Variants in LINGO2 observed in about 807,000 individuals in gnomAD.
LINGO2 encodes leucine-rich repeat and immunoglobulin-like domain-containing nogo receptor-interacting protein 2.
A neutral mutation model predicts 30.6 loss-of-function variants in LINGO2; 14 were observed. The ratio of observed to expected loss-of-function variants is 0.46; its 90% CI spans 0.30 to 0.72. The LOEUF (loss-of-function observed/expected upper bound fraction) is 0.72. LINGO2 is among the 30% of genes least tolerant of loss of function. The pLI, the probability that LINGO2 is intolerant of heterozygous loss-of-function variation, is 0.07. For synonymous variants in LINGO2, 317 were observed against 288.5 expected (o/e 1.10, Z -1.00); for missense variants, 729 against 751.7 (o/e 0.97, Z 0.35).
intron 2 of LINGO2, among the ~76,000 whole-genome samples, chr9:28,457,605 A>C (rs1033031436): frequency 6.6e-6 from 1 of 151,868 alleles, no homozygotes; most frequent in Non-Finnish European, 1.5e-5. Flanking sequence ...AAAATTAAAA[A>C]AAAACCCTAA....
intron 1 of LINGO2, among the ~76,000 whole-genome samples, chr9:28,507,621 C>A (rs1051801266): frequency 6.6e-6 from 1 of 152,062 alleles, no homozygotes; most frequent in Non-Finnish European, 1.5e-5. Context: ...AGGTATGACT[C>A]AAATTTTGTT....
chr9:28,353,562 A>C (rs1406658396), intron 3 of LINGO2, among the ~76,000 whole-genome samples: 4 of 150,634 alleles, frequency 2.7e-5, no homozygotes, highest in Admixed American at 1.3e-4. Flanking sequence ...GTGGGACTGT[A>C]AACTAGTTCA....
the LINGO2 span, among the ~76,000 whole-genome samples, chr9:28,682,210 T>G: frequency 6.6e-6 from 1 of 152,152 alleles, no homozygotes; most frequent in Admixed American, 6.5e-5. Context: ...AATGACACTG[T>G]TCAGTCACTT....
At chr9:27,973,231 A>C (rs1820436089) in intron 5 of LINGO2, among the ~76,000 whole-genome samples, 1 of 152,190 alleles carries the variant, frequency 6.6e-6, no homozygotes, top group Non-Finnish European at 1.5e-5. Context: ...TAAAACAGAC[A>C]CTTTAAATAA....
chr9:28,589,533 A>G (rs1230465425), intron 1 of LINGO2, among the ~76,000 whole-genome samples: 1 of 152,168 alleles, frequency 6.6e-6, no homozygotes, highest in African/African-American at 2.4e-5. Flanking sequence ...CCAAATCATC[A>G]GTGAACTCCC....
At chr9:28,160,905 C>A (rs543871394) in intron 4 of LINGO2, among the ~76,000 whole-genome samples, 1 of 152,244 alleles carries the variant, frequency 6.6e-6, no homozygotes, top group Admixed American at 6.5e-5. Context: ...TCATTATTCT[C>A]TCAATTCCCT....
At chr9:28,109,723 C>T (rs1307348516) in intron 4 of LINGO2, among the ~76,000 whole-genome samples, 1 of 152,176 alleles carries the variant, frequency 6.6e-6, no homozygotes, top group Admixed American at 6.5e-5. Flanking sequence ...CTACAAACCT[C>T]TGCTCAAGGA....
At chr9:29,113,923 A>G in the LINGO2 span, among the ~76,000 whole-genome samples, 1 of 152,008 alleles carries the variant, frequency 6.6e-6, no homozygotes, top group Non-Finnish European at 1.5e-5. Flanking sequence ...ACATCTGCTT[A>G]ATATGAGGGT....
At chr9:28,360,219 T>C (rs569699036) in intron 3 of LINGO2, among the ~76,000 whole-genome samples, 1 of 152,246 alleles carries the variant, frequency 6.6e-6, no homozygotes, top group East Asian at 1.9e-4. Context: ...ATGAGAAAAA[T>C]GAATTTCAAA....
the LINGO2 span, among the ~76,000 whole-genome samples, chr9:29,114,408 T>TTAG: frequency 8.8e-6 from 1 of 113,654 alleles, no homozygotes; most frequent in Non-Finnish European, 1.9e-5. Context: ...ATTATTATTA[T>TTAG]TATTATTATT....
At chr9:28,566,361 C>T (rs550862863) in intron 1 of LINGO2, among the ~76,000 whole-genome samples, 1 of 152,268 alleles carries the variant, frequency 6.6e-6, no homozygotes, top group South Asian at 2.1e-4. Context: ...CAAGTTCATA[C>T]AGTCAGTAGA....
exon 6 of LINGO2, chr9:27,949,113 T>A: frequency 6.2e-7 from 1 of 1,614,036 alleles, no homozygotes; most frequent in South Asian, 1.1e-5. Flanking sequence ...GTCATTGGAG[T>A]CGGTCATGTA....
the LINGO2 span, among the ~76,000 whole-genome samples, chr9:28,776,362 A>G: frequency 8.5e-5 from 13 of 152,336 alleles, 1 homozygote; most frequent in Non-Finnish European, 4.4e-5. Flanking sequence ...GACATTTTGA[A>G]TCAAAATAAC....
At position 28,441,251 on chromosome 9, in the gene LINGO2, C is replaced by CTTTTTTTTTTTTTTTTT. The variant is rs72213590; in HGVS notation, c.-279+34672_-279+34688dup. ...TATAGCAGTATAAATTCATTGGAGG[C>CTTTTTTTTTTTTTTTTT]TTTTTTTTTTTTTTTTTTTTTTTTT... On this transcript the variant is annotated intron_variant, in intron 2 of 5. Coordinates refer to ENST00000379992, the Ensembl canonical transcript of LINGO2. 2.2e-4 allele frequency among the ~76,000 whole-genome samples: 8 copies of CTTTTTTTTTTTTTTTTT among 36,286 alleles called. 3 individuals carry two copies. The highest frequency in any genetic ancestry group is 1.4e-3 in the East Asian group (2 of 1,392). The allele number at this position is 36,286 out of a possible 152,430, so 23.8% of individuals were successfully genotyped here. A position where few individuals can be genotyped will look rare whatever the true frequency, so the allele number is the denominator to read the frequency against.
At chr9:28,455,795 C>T (rs1824822221) in intron 2 of LINGO2, among the ~76,000 whole-genome samples, 1 of 152,078 alleles carries the variant, frequency 6.6e-6, no homozygotes, top group Non-Finnish European at 1.5e-5. Flanking sequence ...TCCTGTCTCC[C>T]ACATCCCCCT....
chr9:28,749,057 T>C, the LINGO2 span, among the ~76,000 whole-genome samples: 1 of 152,018 alleles, frequency 6.6e-6, no homozygotes, highest in Non-Finnish European at 1.5e-5. Flanking sequence ...TCTAATTTCT[T>C]ATCTTCAGAT....
intron 3 of LINGO2, among the ~76,000 whole-genome samples, chr9:28,357,235 C>A (rs1051781015): frequency 6.6e-6 from 1 of 151,568 alleles, no homozygotes; most frequent in East Asian, 2.0e-4. Flanking sequence ...TAAAATTAAC[C>A]ATCTGCCAAA....
intron 3 of LINGO2, among the ~76,000 whole-genome samples, chr9:28,299,980 T>G (rs1402750434): frequency 6.6e-6 from 1 of 152,178 alleles, no homozygotes; most frequent in Non-Finnish European, 1.5e-5. Flanking sequence ...TGATTTTTTT[T>G]GTAAATGGTG....
chr9:28,434,117 T>C (rs1823814884), intron 2 of LINGO2, among the ~76,000 whole-genome samples: 1 of 151,510 alleles, frequency 6.6e-6, no homozygotes, highest in Non-Finnish European at 1.5e-5. Context: ...CCAAATATCG[T>C]ATGTTCTCAC....
Sources: gnomAD v4.1 joint callset for allele counts (sites outside exome capture counted in the v4.1 genomes callset) on GRCh38, gnomAD v4.1.1 for gene constraint, MANE v1.5 for transcripts, NCBI Gene and HGNC (gene_info 2026-07-23, HGNC 2026-07-21) for gene names.